OSBPL10: variants seen among roughly 807,000 people sequenced by gnomAD.
OSBPL10 encodes oxysterol binding protein like 10, also known as oxysterol-binding protein-related protein 10.
OSBPL10 carries 49 observed loss-of-function variants against 81.7 expected under a neutral mutation model. The observed-to-expected ratio is 0.60, with a 90% CI of 0.48 to 0.76. The LOEUF (loss-of-function observed/expected upper bound fraction) is 0.76, where lower values mean the gene tolerates loss of function less well. Among genes scored for constraint, OSBPL10 ranks in the 30% least tolerant of loss-of-function variants. OSBPL10 has a pLI of 0.00. For missense variants in OSBPL10, 923 were observed against 987.8 expected, an observed-to-expected ratio of 0.93 and a Z score of 0.88; for synonymous variants, 419 against 383.6, an observed-to-expected ratio of 1.09 and a Z score of -1.08.
At chr3:32,009,853 C>T (rs1038481503) in intron 2 of OSBPL10, among the ~76,000 whole-genome samples, 1 of 152,174 alleles carries the variant, frequency 6.6e-6, no homozygotes, top group African/African-American at 2.4e-5. Flanking sequence ...TATGATCGTG[C>T]TTGTCAGTCA....
intron 11 of OSBPL10, chr3:31,663,559 C>T (rs1437914025): frequency 2.0e-5 from 20 of 1,004,586 alleles, no homozygotes; most frequent in Non-Finnish European, 2.4e-5. Context: ...CAGGTGACAG[C>T]AACAGCATTT....
At chr3:31,806,124 C>T (rs1699517052) in intron 4 of OSBPL10, among the ~76,000 whole-genome samples, 1 of 152,138 alleles carries the variant, frequency 6.6e-6, no homozygotes, top group Non-Finnish European at 1.5e-5. Flanking sequence ...GATGCTTAGC[C>T]TCCACCTATC....
intron 1 of OSBPL10, among the ~76,000 whole-genome samples, chr3:31,942,890 C>CA (rs1449243694): frequency 6.6e-6 from 1 of 152,140 alleles, no homozygotes; most frequent in Admixed American, 6.5e-5. Flanking sequence ...TTTAGGTGTA[C>CA]AATTCAGTGA....
At chr3:31,743,964 T>C (rs1374757306) in intron 5 of OSBPL10, among the ~76,000 whole-genome samples, 1 of 152,214 alleles carries the variant, frequency 6.6e-6, no homozygotes, top group Non-Finnish European at 1.5e-5. Context: ...AGGGCCAACG[T>C]ATTCTCTATT....
rs1284089510 is a variant in OSBPL10 at position 31,683,868 on chromosome 3, C to T, written c.1492G>A (p.Val498Ile). 1.9e-6 allele frequency: 3 copies of T among 1,614,124 alleles called. No individual in the cohort carries two copies. Among genetic ancestry groups the T allele is most frequent in the Non-Finnish European group, 2.5e-6 (3 of 1,180,062 alleles). ...CGGGAAGCAGTCCTCTTAGGCTTGA[C>T]CCTGTCCTTGGGAACTTCCCAGGAG... is the stretch of plus-strand genomic sequence containing the variant. ...HCSWEVPKDR[V>I]KPKRTASRSP... Residue 498 changes from valine to isoleucine, a missense_variant, in exon 8 of 12, where the codon GTC becomes ATC. Transcript: ENST00000396556.
At chr3:31,837,848 A>G (rs893698478) in intron 3 of OSBPL10, among the ~76,000 whole-genome samples, 2 of 151,916 alleles carry the variant, frequency 1.3e-5, no homozygotes, top group African/African-American at 4.8e-5. Flanking sequence ...GAGGAAAAAA[A>G]AAAATTTAAT....
At chr3:31,739,493 A>C (rs1256177687) in intron 5 of OSBPL10, among the ~76,000 whole-genome samples, 1 of 152,236 alleles carries the variant, frequency 6.6e-6, no homozygotes, top group East Asian at 1.9e-4. Flanking sequence ...TCACATTAAT[A>C]AAGTTAAATG....
At chr3:31,736,418 C>T (rs1161360473) in intron 5 of OSBPL10, among the ~76,000 whole-genome samples, 1 of 152,000 alleles carries the variant, frequency 6.6e-6, no homozygotes, top group South Asian at 2.1e-4. Context: ...GCACTAATAC[C>T]AGAACTTGAG....
intron 7 of OSBPL10, among the ~76,000 whole-genome samples, chr3:31,692,554 G>A (rs1433928064): frequency 1.3e-5 from 2 of 151,756 alleles, no homozygotes; most frequent in African/African-American, 4.9e-5. Flanking sequence ...TGACACTTCT[G>A]TAAACAATCA....
At chr3:31,900,253 G>A (rs1158056922) in intron 1 of OSBPL10, among the ~76,000 whole-genome samples, 7 of 151,862 alleles carry the variant, frequency 4.6e-5, no homozygotes, top group African/African-American at 1.5e-4. Flanking sequence ...ATGTTGCCCA[G>A]GCTGGTCTCG....
chr3:32,050,764 T>C (rs1559555235), intron 1 of OSBPL10, among the ~76,000 whole-genome samples: 1 of 151,758 alleles, frequency 6.6e-6, no homozygotes, highest in East Asian at 1.9e-4. Context: ...CTAATTCAAG[T>C]GATTCTCCTG....
At chr3:32,030,230 G>GATA (rs1413008570) in intron 2 of OSBPL10, 5 of 287,956 alleles carry the variant, frequency 1.7e-5, no homozygotes, top group African/African-American at 1.1e-4. Context: ...AGAGACACGT[G>GATA]ATACATGTTC....
chr3:31,940,452 G>C (rs1697501743), intron 1 of OSBPL10, among the ~76,000 whole-genome samples: 2 of 152,300 alleles, frequency 1.3e-5, no homozygotes, highest in South Asian at 4.1e-4. Context: ...GAATTTTCTG[G>C]GCTGGTGGAG....
chr3:31,747,759 C>T (rs1697570935), intron 5 of OSBPL10, 151 bp downstream of exon 5: 5 of 778,002 alleles, frequency 6.4e-6, no homozygotes, highest in Non-Finnish European at 1.1e-5. Flanking sequence ...ATATCCCAAA[C>T]AGTAGAGACG....
At chr3:31,716,100 T>C (rs377396839) in intron 6 of OSBPL10, among the ~76,000 whole-genome samples, 2 of 152,262 alleles carry the variant, frequency 1.3e-5, no homozygotes, top group East Asian at 1.9e-4. Context: ...AGAATCACTG[T>C]GAACTGAATA....
At chr3:31,808,572 A>G (rs964746516) in intron 4 of OSBPL10, among the ~76,000 whole-genome samples, 24 of 152,208 alleles carry the variant, frequency 1.6e-4, no homozygotes, top group African/African-American at 5.5e-4. Flanking sequence ...GCTGGGGGAA[A>G]TGCAGGAGCC....
chr3:31,927,437 C>T (rs1013691727), intron 1 of OSBPL10, among the ~76,000 whole-genome samples: 6 of 152,216 alleles, frequency 3.9e-5, no homozygotes, highest in Non-Finnish European at 5.9e-5. Context: ...CACTCTTCAA[C>T]CCTTGCTTGG....
At chr3:31,949,366 T>C (rs1007882917) in intron 1 of OSBPL10, among the ~76,000 whole-genome samples, 10 of 152,042 alleles carry the variant, frequency 6.6e-5, no homozygotes, top group African/African-American at 2.4e-4. Flanking sequence ...GTACAAGAAA[T>C]ATAAAAGGAT....
At chr3:32,050,747 C>T (rs556607961) in intron 1 of OSBPL10, among the ~76,000 whole-genome samples, 33 of 151,790 alleles carry the variant, frequency 2.2e-4, no homozygotes, top group Non-Finnish European at 4.4e-4. Flanking sequence ...CCGCAACCTC[C>T]GCCTCCCTAA....
Sources: allele counts gnomAD v4.1 joint callset (sites outside exome capture counted in the v4.1 genomes callset), GRCh38; gene constraint gnomAD v4.1.1; transcripts MANE v1.5; gene names NCBI Gene and HGNC (gene_info 2026-07-23, HGNC 2026-07-21).